Variants in HDAC4 observed in about 807,000 individuals in gnomAD.
HDAC4 encodes histone deacetylase A.
HDAC4 carries 16 observed loss-of-function variants against 135.1 expected under a neutral mutation model. The observed-to-expected ratio is 0.12, with a 90% CI of 0.08 to 0.18. HDAC4 has a LOEUF of 0.18. HDAC4 is among the 10% of genes least tolerant of loss of function. HDAC4 has a pLI of 1.00. For missense variants in HDAC4, 1,143 were observed against 1,511.8 expected, an observed-to-expected ratio of 0.76 and a Z score of 4.05; for synonymous variants, 685 against 653.4, an observed-to-expected ratio of 1.05 and a Z score of -0.74.
At chr2:239,231,572 T>C (rs572300980) in intron 3 of HDAC4, among the ~76,000 whole-genome samples, 25 of 152,178 alleles carry the variant, frequency 1.6e-4, no homozygotes, top group African/African-American at 5.8e-4. Context: ...CATCCACACT[T>C]CCTGTTGCTA....
intron 12 of HDAC4, among the ~76,000 whole-genome samples, chr2:239,120,406 C>CACACACACAG (rs2039558229): frequency 3.0e-5 from 4 of 131,234 alleles, no homozygotes. Context: ...CACACAGACA[C>CACACACACAG]ACACACACAG....
At chr2:239,304,580 T>C (rs1237034120) in intron 2 of HDAC4, among the ~76,000 whole-genome samples, 13 of 152,154 alleles carry the variant, frequency 8.5e-5, no homozygotes, top group Admixed American at 8.5e-4. Context: ...AGATATGCTG[T>C]TTTTAAAAGG....
intron 1 of HDAC4, among the ~76,000 whole-genome samples, chr2:239,382,247 GAATT>G (rs1575785465): frequency 1.3e-5 from 2 of 152,352 alleles, no homozygotes; most frequent in East Asian, 3.9e-4. Flanking sequence ...TAAATGAATA[GAATT>G]AATGGATTCT....
chr2:239,263,203 C>T (rs2049482306), intron 2 of HDAC4, among the ~76,000 whole-genome samples: 1 of 152,124 alleles, frequency 6.6e-6, no homozygotes, highest in Non-Finnish European at 1.5e-5. Context: ...GTCAGAATGG[C>T]TCCAAGGGCA....
chr2:239,174,674 C>T (rs973460680), intron 5 of HDAC4, among the ~76,000 whole-genome samples: 1 of 152,146 alleles, frequency 6.6e-6, no homozygotes, highest in African/African-American at 2.4e-5. Flanking sequence ...GAAACATGTA[C>T]AAGAATGCAC....
At chr2:239,207,208 A>T (rs2046099210) in intron 3 of HDAC4, among the ~76,000 whole-genome samples, 1 of 152,216 alleles carries the variant, frequency 6.6e-6, no homozygotes, top group South Asian at 2.1e-4. Flanking sequence ...TAAGAATGAA[A>T]AAAATACATA....
At chr2:239,347,418 T>C (rs534737547) in intron 2 of HDAC4, among the ~76,000 whole-genome samples, 1 of 152,318 alleles carries the variant, frequency 6.6e-6, no homozygotes, top group East Asian at 1.9e-4. Context: ...GCTGCTTTTA[T>C]GTGGATGGGG....
At chr2:239,154,346 C>T (rs2042292389) in intron 7 of HDAC4, among the ~76,000 whole-genome samples, 1 of 152,118 alleles carries the variant, frequency 6.6e-6, no homozygotes, top group Non-Finnish European at 1.5e-5. Context: ...TGGGTGCATG[C>T]CACAGCCGTG....
At chr2:239,340,365 C>T (rs1420661826) in intron 2 of HDAC4, among the ~76,000 whole-genome samples, 1 of 152,168 alleles carries the variant, frequency 6.6e-6, no homozygotes, top group Non-Finnish European at 1.5e-5. Context: ...ATAGACAATT[C>T]AACTGTTCTC....
At chr2:239,241,221 G>T (rs964263755) in intron 2 of HDAC4, among the ~76,000 whole-genome samples, 3 of 152,170 alleles carry the variant, frequency 2.0e-5, no homozygotes, top group Non-Finnish European at 4.4e-5. Flanking sequence ...AGCCAATAAA[G>T]AAAGTACATG....
intron 2 of HDAC4, among the ~76,000 whole-genome samples, chr2:239,280,003 A>G (rs1414345646): frequency 6.6e-6 from 1 of 150,838 alleles, no homozygotes; most frequent in East Asian, 2.0e-4. Flanking sequence ...CATCCCTTCC[A>G]CTCCTGCGGA....
At position 239,331,538 on chromosome 2, in the gene HDAC4, G is replaced by C. The variant is rs1023026240; in HGVS notation, c.22+21140C>G. On this transcript the variant is annotated intron_variant, in intron 2 of 26. Transcript: ENST00000543185. The surrounding 1 kb of genome is among the most constrained non-coding windows in gnomAD (Gnocchi z 4.5). ...AAGCCTGGAAAGCAAGCTGGGACTCGTGAACTAAGCCGCCCAGATAGTGAG... is the reference window on the plus strand; with the variant it reads ...AAGCCTGGAAAGCAAGCTGGGACTCCTGAACTAAGCCGCCCAGATAGTGAG... 2.0e-5 allele frequency among the ~76,000 whole-genome samples: 3 copies of C among 152,152 alleles called. No individual in the cohort carries two copies. The South Asian group carries it at 6.2e-4, about 31-fold the overall frequency.
chr2:239,328,069 G>A (rs1299174943), intron 2 of HDAC4, among the ~76,000 whole-genome samples: 1 of 152,238 alleles, frequency 6.6e-6, no homozygotes, highest in African/African-American at 2.4e-5. Context: ...TAAGCTGGAT[G>A]ACACGCTGAA....
chr2:239,243,405 G>A (rs2048302985), intron 2 of HDAC4, among the ~76,000 whole-genome samples: 9 of 152,152 alleles, frequency 5.9e-5, no homozygotes, highest in Admixed American at 5.9e-4. Flanking sequence ...GCCTGCCTCG[G>A]CCTCCCAAAG....
rs927929513 is a variant in HDAC4, at chr2:239,262,321, A to C, written c.23-25657T>G. 3.3e-5 allele frequency among the ~76,000 whole-genome samples: 5 copies of C among 152,176 alleles called. No individual in the cohort carries two copies. Among genetic ancestry groups the C allele is most frequent in the African/African-American group, 1.2e-4 (5 of 41,444 alleles). ...GCTTAGTATCAGAGACCACAATAAC[A>C]CACTTTAGAAACAGAGTAGCAATTT... On this transcript the variant is annotated intron_variant, in intron 2 of 26. Transcript: ENST00000543185. The surrounding 1 kb of genome is among the most constrained non-coding windows in gnomAD (Gnocchi z 4.1).
At position 239,388,892 on chromosome 2, in the gene HDAC4, C is replaced by T. The variant is rs78456548; in HGVS notation, c.-220+12086G>A. 8.9e-3 allele frequency among the ~76,000 whole-genome samples: 1,360 copies of T among 152,312 alleles called. 16 individuals carry two copies. Among genetic ancestry groups the T allele is most frequent in the African/African-American group, 0.031 (1,308 of 41,574 alleles). On this transcript the variant is annotated intron_variant, in intron 1 of 26. Transcript: ENST00000543185. Reference sequence around the variant, plus strand: ...ACTTGGGCTCTGACTTCCAGGGCCCCGGGTTTTCCCAGGAAGCAGCAGAGA... The same window carrying T: ...ACTTGGGCTCTGACTTCCAGGGCCCTGGGTTTTCCCAGGAAGCAGCAGAGA...
At chr2:239,132,217 C>T (rs559705585) in intron 11 of HDAC4, among the ~76,000 whole-genome samples, 9 of 152,174 alleles carry the variant, frequency 5.9e-5, no homozygotes, top group Non-Finnish European at 7.3e-5. Context: ...GGGGGCGGAC[C>T]GCTTAGTATC....
At chr2:239,273,551 A>T (rs557724333) in intron 2 of HDAC4, among the ~76,000 whole-genome samples, 1 of 152,342 alleles carries the variant, frequency 6.6e-6, no homozygotes, top group South Asian at 2.1e-4. Context: ...GGAAGGAATG[A>T]AGCTAGACAG....
chr2:239,128,833 G>T (rs911522452), intron 11 of HDAC4, among the ~76,000 whole-genome samples: 1 of 152,178 alleles, frequency 6.6e-6, no homozygotes, highest in Non-Finnish European at 1.5e-5. Context: ...AGAAGGACAC[G>T]CCAACTTCAT....
Sources: allele counts gnomAD v4.1 joint callset (sites outside exome capture counted in the v4.1 genomes callset), GRCh38; gene constraint gnomAD v4.1.1; non-coding constraint Gnocchi (gnomAD v3.1); transcripts MANE v1.5; gene names NCBI Gene and HGNC (gene_info 2026-07-23, HGNC 2026-07-21).